Variants in ZC3H12C observed in about 807,000 individuals in gnomAD.
ZC3H12C encodes the protein probable ribonuclease ZC3H12C.
A neutral mutation model predicts 76.3 loss-of-function variants in ZC3H12C; 20 were observed. The ratio of observed to expected loss-of-function variants is 0.26; its 90% CI spans 0.18 to 0.38. The LOEUF (loss-of-function observed/expected upper bound fraction) is 0.38, where lower values mean the gene tolerates loss of function less well. Ranked by LOEUF, ZC3H12C falls within the 10% of genes least tolerant of loss-of-function variation. The probability of loss-of-function intolerance (pLI) is 1.00; values close to 1 mark genes in which losing one functional copy is unlikely to be tolerated. For synonymous variants in ZC3H12C, 352 were observed against 399.6 expected (o/e 0.88, Z 1.42); for missense variants, 874 against 1,086.5 (o/e 0.80, Z 2.75).
At chr11:110,143,585 A>G (rs1391167849) in intron 2 of ZC3H12C, among the ~76,000 whole-genome samples, 1 of 152,102 alleles carries the variant, frequency 6.6e-6, no homozygotes, top group African/African-American at 2.4e-5. Context: ...ATAATTAACT[A>G]TATCTAAACT....
chr11:110,096,602 T>C (rs1426546869), intron 1 of ZC3H12C, among the ~76,000 whole-genome samples: 1 of 148,250 alleles, frequency 6.7e-6, no homozygotes, highest in Non-Finnish European at 1.5e-5. Flanking sequence ...AGTCTGACTT[T>C]ATAACCCATG....
rs1377956316 is a variant in ZC3H12C, at chr11:110,164,739, G to A, written c.1654G>A (p.Asp552Asn). 2 of 1,613,948 alleles carry A rather than the reference G, an allele frequency of 1.2e-6. No homozygotes were observed. The highest frequency in any genetic ancestry group is 1.7e-6 in the Non-Finnish European group (2 of 1,179,892). Reference sequence around the variant, plus strand: ...ATCTGGAGTTCATTTCCCACCTCAGGATCAAAGACCACAGGGACAATATCC... The same window carrying A: ...ATCTGGAGTTCATTTCCCACCTCAGAATCAAAGACCACAGGGACAATATCC... The part of the protein sequence containing the change: ...LPSGVHFPPQ[D>N]QRPQGQYPSM... Residue 552 changes from aspartate (D) to asparagine (N), a missense_variant, in exon 6 of 6, where the codon GAT (aspartate) becomes AAT (asparagine). Coordinates refer to ENST00000278590, the MANE Select transcript of ZC3H12C (RefSeq NM_033390.2). This position sits in a 1 kb window ranked among gnomAD's most constrained non-coding sequence, Gnocchi z 5.7.
rs377245730 is a variant in ZC3H12C at position 110,170,532 on chromosome 11, A to C, written c.*4795A>C. 4.2e-4 allele frequency: 64 copies of C among 152,354 alleles called. 1 individual carries two copies. Among genetic ancestry groups the C allele is most frequent in the African/African-American group, 1.5e-3 (63 of 41,590 alleles). The allele number at this position is 152,354 out of a possible 1,614,324, so 9.4% of individuals were successfully genotyped here. ...TGTGACTAGTATAATTGTAGCTATA[A>C]TGTGAGTGGCATGTTACAATGTAAC... On this transcript the variant is annotated 3_prime_UTR_variant, in exon 6 of 6. Coordinates refer to ENST00000278590, the MANE Select transcript of ZC3H12C (RefSeq NM_033390.2).
At chr11:110,115,471 T>C (rs1861509033) in intron 1 of ZC3H12C, among the ~76,000 whole-genome samples, 1 of 151,782 alleles carries the variant, frequency 6.6e-6, no homozygotes, top group Non-Finnish European at 1.5e-5. Context: ...CTTGGGTAAG[T>C]TTTATATTTT....
Position 110,117,817 on chromosome 11 carries a change from T to TAC in ZC3H12C, c.22-18836_22-18835dup, listed in dbSNP as rs1200373187. Among the ~76,000 whole-genome samples the TAC allele has an allele frequency of 7.5e-4, 77 of 102,356 alleles. 4 individuals are homozygous for TAC. Among genetic ancestry groups the TAC allele is most frequent in the African/African-American group, 3.0e-3 (74 of 24,586 alleles). 67.1% of individuals were successfully genotyped at this position (102,356 alleles called of 152,430 possible). A position where few individuals can be genotyped will look rare whatever the true frequency, so the allele number is the denominator to read the frequency against. ...TATATTATATATACACACATATATA[T>TAC]ACACACACACATATAATATATATAT... is the stretch of plus-strand genomic sequence containing the variant. On this transcript the variant is annotated intron_variant, in intron 1 of 5. Transcript: ENST00000278590.
chr11:110,158,939 C>T (rs11213286), intron 3 of ZC3H12C, among the ~76,000 whole-genome samples: 8,391 of 152,264 alleles, frequency 0.055, 770 homozygotes, highest in African/African-American at 0.19. Context: ...AAGCTGTGTC[C>T]ATAGTGGTCG....
At chr11:110,098,315 A>G (rs368318965) in intron 1 of ZC3H12C, among the ~76,000 whole-genome samples, 6 of 152,254 alleles carry the variant, frequency 3.9e-5, no homozygotes, top group South Asian at 4.1e-4. Flanking sequence ...ATTTTTGTAT[A>G]GCTGTACAAT....
chr11:110,141,774 G>A (rs553882719), intron 2 of ZC3H12C, among the ~76,000 whole-genome samples: 5 of 152,232 alleles, frequency 3.3e-5, no homozygotes, highest in South Asian at 2.1e-4. Context: ...CGGAGACTTC[G>A]TACAAAAATA....
At chr11:110,117,651 TAC>T (rs201029016) in intron 1 of ZC3H12C, among the ~76,000 whole-genome samples, 16 of 143,968 alleles carry the variant, frequency 1.1e-4, no homozygotes, top group South Asian at 2.1e-4. Context: ...TATATATATA[TAC>T]ACACACACAC....
At position 110,163,268 on chromosome 11, in the gene ZC3H12C, G is replaced by A. The variant is rs202171346; in HGVS notation, c.1149-5G>A. On this transcript the variant is annotated splice_polypyrimidine_tract_variant and splice_region_variant and intron_variant, in intron 4 of 5. Transcript: ENST00000278590. ...GGTATCATTTTTTTATTATCTCCAT[G>A]ACAGGTTCATGCCCCCTGATGACCC... 8.3e-5 allele frequency: 133 copies of A among 1,607,958 alleles called. No homozygotes were observed. Among genetic ancestry groups the A allele is most frequent in the Admixed American group, 2.9e-4 (17 of 59,384 alleles).
chr11:110,095,238 G>A (rs1356421652), intron 1 of ZC3H12C, among the ~76,000 whole-genome samples: 2 of 152,092 alleles, frequency 1.3e-5, no homozygotes, highest in Non-Finnish European at 2.9e-5. Flanking sequence ...GGTTACCAAC[G>A]TCTGCAAAAT....
intron 3 of ZC3H12C, among the ~76,000 whole-genome samples, chr11:110,158,781 T>G (rs1024945593): frequency 6.6e-6 from 1 of 152,236 alleles, no homozygotes; most frequent in Non-Finnish European, 1.5e-5. Context: ...CAACTTCTAC[T>G]TCCTTTCATA....
rs554311923 is a variant in ZC3H12C at position 110,164,949 on chromosome 11, G to T, written c.1864G>T (p.Val622Leu). The change falls in exon 6 of 6, where the codon GTA (valine) becomes TTA (leucine). Residue 622 changes from valine (V) to leucine (L), a missense_variant. Val to Leu is a conservative substitution (Grantham distance 32, BLOSUM62 1). Around this residue, in one of 3 missense-constraint regions of ZC3H12C, gnomAD observed 395 missense variants for 434.4 expected, o/e 0.91. Coordinates refer to ENST00000278590, the MANE Select transcript of ZC3H12C (RefSeq NM_033390.2). The surrounding 1 kb of genome is among the most constrained non-coding windows in gnomAD (Gnocchi z 5.7). ...SLDTDYRISS[V>L]ASDCSSEGSM... ...AGACACAGATTATAGAATAAGTTCC[G>T]TAGCTTCTGACTGCAGCAGTGAAGG... 4 of 1,614,016 alleles carry T rather than the reference G, an allele frequency of 2.5e-6. No individual in the cohort carries two copies. The South Asian group carries it at 4.4e-5, about 18-fold the overall frequency.
In ZC3H12C at chr11:110,165,531, C is replaced by A. The variant is rs1862566451; in HGVS notation, c.2446C>A (p.Gln816Lys). The change falls in exon 6 of 6, where the codon CAG becomes AAG. Residue 816 changes from glutamine (Q) to lysine (K), a missense_variant. This residue lies in a region of ZC3H12C where 395 missense variants were observed against 434.4 expected (regional missense o/e 0.91). Coordinates refer to ENST00000278590, the MANE Select transcript of ZC3H12C (RefSeq NM_033390.2). ...CACCTTCCAGAGCCTCCCTGAGCAA[C>A]AGGAGCCAGCCTGGCGGATCCCATA... Reference protein sequence around the residue: ...QFTFQSLPEQQEPAWRIPYCG... With the variant: ...QFTFQSLPEQKEPAWRIPYCG... The A allele has an allele frequency of 1.2e-6, 2 of 1,613,940 alleles. No homozygotes were observed. Among genetic ancestry groups the A allele is most frequent in the Middle Eastern group, 1.6e-4 (1 of 6,062 alleles).
At position 110,164,870 on chromosome 11, in the gene ZC3H12C, A is replaced by G; in HGVS notation, c.1785A>G (p.Ala595=). 1 of 1,614,036 alleles carries G rather than the reference A, an allele frequency of 6.2e-7. No homozygotes were observed. The highest frequency in any genetic ancestry group is 1.1e-5 in the South Asian group (1 of 91,084). The change falls in exon 6 of 6, where the codon GCA becomes GCG. Residue 595 remains alanine (A), a synonymous_variant. Coordinates refer to ENST00000278590, the MANE Select transcript of ZC3H12C (RefSeq NM_033390.2). This position sits in a 1 kb window ranked among gnomAD's most constrained non-coding sequence, Gnocchi z 5.7. The part of the protein sequence containing the change: ...VDIGYYSMLN[A]YSNLSLSGPR... Reference sequence around the variant, plus strand: ...TCGGATATTATTCCATGTTGAATGCATACTCAAATCTGAGTCTCTCAGGCC... The same window carrying G: ...TCGGATATTATTCCATGTTGAATGCGTACTCAAATCTGAGTCTCTCAGGCC...
intron 3 of ZC3H12C, among the ~76,000 whole-genome samples, chr11:110,156,666 C>T (rs1021165826): frequency 1.3e-5 from 2 of 152,144 alleles, no homozygotes; most frequent in Non-Finnish European, 2.9e-5. Flanking sequence ...TGAAAGACTT[C>T]AGAGTATATA....
Position 110,137,068 on chromosome 11 carries a change from G to A in ZC3H12C, c.427G>A (p.Glu143Lys). The change falls in exon 2 of 6, where the codon GAA becomes AAA. Residue 143 changes from glutamate to lysine, a missense_variant. Glu to Lys is a moderately conservative substitution (Grantham distance 56). Transcript: ENST00000278590. ...RNEILQDFKP[E>K]ESQTTSKEAK... is the part of the protein sequence containing the mutation. Reference sequence around the variant, plus strand: ...TGAAATTTTGCAAGACTTTAAACCTGAAGAGTCCCAGACTACATCCAAGGA... The same window carrying A: ...TGAAATTTTGCAAGACTTTAAACCTAAAGAGTCCCAGACTACATCCAAGGA... 6.2e-7 allele frequency: 1 copy of A among 1,613,858 alleles called. No homozygotes were observed. The highest frequency in any genetic ancestry group is 1.1e-5 in the South Asian group (1 of 91,044).
intron 3 of ZC3H12C, 58 bp downstream of exon 3, chr11:110,153,116 G>A: frequency 6.4e-7 from 1 of 1,557,792 alleles, no homozygotes; most frequent in Non-Finnish European, 8.7e-7. Flanking sequence ...CCATGCAGGT[G>A]TCTGACACTG....
At chr11:110,097,344 A>C (rs1006875781) in intron 1 of ZC3H12C, among the ~76,000 whole-genome samples, 1 of 152,228 alleles carries the variant, frequency 6.6e-6, no homozygotes, top group African/African-American at 2.4e-5. Context: ...TAAGTATCAC[A>C]TATCTTAGGG....
Sources: gnomAD v4.1 joint callset for allele counts (sites outside exome capture counted in the v4.1 genomes callset) on GRCh38, gnomAD v4.1.1 for gene constraint, gnomAD v4.1.1 regional missense constraint, Gnocchi (gnomAD v3.1) non-coding constraint, MANE v1.5 for transcripts, NCBI Gene and HGNC (gene_info 2026-07-23, HGNC 2026-07-21) for gene names.